The following CTBP1 variants were observed in gnomAD, a reference collection of about 807,000 sequenced individuals.
CTBP1 encodes the protein C-terminal binding protein 1.
CTBP1 carries 11 observed loss-of-function variants against 42.1 expected under a neutral mutation model. That is an observed-to-expected ratio of 0.26 (90% CI 0.16 to 0.43). The LOEUF is 0.43. CTBP1 is among the 20% of genes least tolerant of loss of function. The probability of loss-of-function intolerance (pLI) is 1.00; values close to 1 mark genes in which losing one functional copy is unlikely to be tolerated. For missense variants in CTBP1, 399 were observed against 624.3 expected (o/e 0.64, Z 3.85); for synonymous variants, 324 against 277.1 (o/e 1.17, Z -1.68).
chr4:1,243,938 G>A (rs1244133453), intron 1 of CTBP1: 2 of 985,378 alleles, frequency 2.0e-6, no homozygotes, highest in Middle Eastern at 5.2e-4. Context: ...GCACTCAAGG[G>A]ACCCACGAGG....
At chr4:1,236,077 C>G (rs563511232) in intron 3 of CTBP1, 3 of 154,008 alleles carry the variant, frequency 1.9e-5, no homozygotes, top group Admixed American at 1.9e-4. Context: ...CAAATTCAGC[C>G]TCTCAGCTAC....
chr4:1,245,957 G>A (rs1249383813), intron 1 of CTBP1, among the ~76,000 whole-genome samples: 1 of 152,154 alleles, frequency 6.6e-6, no homozygotes, highest in Non-Finnish European at 1.5e-5. Flanking sequence ...TACCACCTGG[G>A]GCCGCCCAGA....
At chr4:1,230,319 C>T (rs550304571) in intron 3 of CTBP1, among the ~76,000 whole-genome samples, 8 of 152,304 alleles carry the variant, frequency 5.3e-5, no homozygotes, top group South Asian at 2.1e-4. Flanking sequence ...AAGACCCCTG[C>T]GCTGCGTGGA....
intron 3 of CTBP1, chr4:1,234,695 G>A (rs947712479): frequency 3.9e-5 from 6 of 152,184 alleles, no homozygotes; most frequent in African/African-American, 7.2e-5. Flanking sequence ...AGTTTTCTAC[G>A]AGCCTCTTTT....
chr4:1,228,453 G>A (rs529799620), intron 3 of CTBP1, 110 bp from the exon 4 acceptor site: 9 of 1,359,576 alleles, frequency 6.6e-6, no homozygotes, highest in Non-Finnish European at 9.1e-6. Context: ...CCTCAGGCTT[G>A]TTCCCCAAGC....
chr4:1,213,712 C>T, intron 7 of CTBP1, 107 bp from the exon 8 acceptor site: 1 of 1,433,862 alleles, frequency 7.0e-7, no homozygotes, highest in East Asian at 2.5e-5. Context: ...GCCTGGGAAC[C>T]ACAGACCCCA....
At position 1,211,992 on chromosome 4, in the gene CTBP1, C is replaced by T. The variant is rs1424465546; in HGVS notation, c.*248G>A. 7 of 366,654 alleles carry T rather than the reference C, an allele frequency of 1.9e-5. No homozygotes were observed. Among genetic ancestry groups the T allele is most frequent in the Admixed American group, 4.6e-5 (1 of 21,628 alleles). 22.7% of individuals were successfully genotyped at this position (366,654 alleles called of 1,614,324 possible). On this transcript the variant is annotated 3_prime_UTR_variant, in exon 10 of 10. Coordinates refer to ENST00000382952, the MANE Select transcript of CTBP1 (RefSeq NM_001012614.2). Reference sequence around the variant, plus strand: ...TCTAAAAACTGTACACAGACAAGAACGTTCATGGGAGAATAACTACTGACT... The same window carrying T: ...TCTAAAAACTGTACACAGACAAGAATGTTCATGGGAGAATAACTACTGACT...
intron 1 of CTBP1, among the ~76,000 whole-genome samples, chr4:1,245,842 C>T (rs569240506): frequency 6.6e-5 from 10 of 152,140 alleles, no homozygotes; most frequent in South Asian, 2.1e-4. Context: ...GTCCCAACAC[C>T]GCCCACACCT....
chr4:1,238,866 A>G lies in CTBP1; in HGVS notation c.8-529T>C, dbSNP rs552494488. On this transcript the variant is annotated intron_variant, in intron 2 of 9. Transcript: ENST00000382952. The surrounding 1 kb of genome is among the most constrained non-coding windows in gnomAD (Gnocchi z 5.9). The stretch of plus-strand genomic sequence containing the variant: ...GGGCAGCTCCATGAGGCAGGGGGAC[A>G]GGAGGGACCCAGGACACTGGAGGAC... Among the ~76,000 whole-genome samples the G allele has an allele frequency of 6.6e-6, 1 of 151,864 alleles. No homozygotes were observed. The highest frequency in any genetic ancestry group is 1.5e-5 in the Non-Finnish European group (1 of 67,964).
In CTBP1 at chr4:1,233,327, C is replaced by T. The variant is rs1731157619; in HGVS notation, c.162+4856G>A. The T allele has an allele frequency of 6.6e-6, 1 of 152,268 alleles. No homozygotes were observed. Among genetic ancestry groups the T allele is most frequent in the South Asian group, 2.1e-4 (1 of 4,828 alleles). The allele number at this position is 152,268 out of a possible 1,614,324, so 9.4% of individuals were successfully genotyped here. A position where few individuals can be genotyped will look rare whatever the true frequency, so the allele number is the denominator to read the frequency against. Reference sequence around the variant, plus strand: ...CCGGGATTTCTAATCACTTCGTTTCCTGCACAGCCCCAGCACCTCTGTCTG... The same window carrying T: ...CCGGGATTTCTAATCACTTCGTTTCTTGCACAGCCCCAGCACCTCTGTCTG... On this transcript the variant is annotated intron_variant, in intron 3 of 9. Coordinates refer to ENST00000382952, the MANE Select transcript of CTBP1 (RefSeq NM_001012614.2). The surrounding 1 kb of genome is among the most constrained non-coding windows in gnomAD (Gnocchi z 4.6).
intron 3 of CTBP1, chr4:1,237,918 C>A: frequency 1.4e-6 from 1 of 700,158 alleles, no homozygotes; most frequent in Non-Finnish European, 2.6e-6. Context: ...TCAGGACAAA[C>A]GTGGTGTCCA....
intron 7 of CTBP1, 135 bp downstream of exon 7, chr4:1,214,208 A>G (rs1403661910): frequency 1.7e-6 from 2 of 1,201,846 alleles, no homozygotes. Flanking sequence ...CGGGCGGCAA[A>G]CTCCCCCACT....
At chr4:1,215,303 T>C (rs1728989661) in intron 6 of CTBP1, among the ~76,000 whole-genome samples, 1 of 152,242 alleles carries the variant, frequency 6.6e-6, no homozygotes, top group South Asian at 2.1e-4. Context: ...GCGGGTGGCC[T>C]CTGACACGTG....
At chr4:1,224,272 T>C (rs1315603207) in intron 5 of CTBP1, among the ~76,000 whole-genome samples, 1 of 152,198 alleles carries the variant, frequency 6.6e-6, no homozygotes, top group Admixed American at 6.5e-5. Context: ...TACCCGTGTG[T>C]GTGTGCTGTG....
intron 1 of CTBP1, chr4:1,244,868 C>T (rs1026506360): frequency 2.0e-6 from 2 of 985,332 alleles, no homozygotes; most frequent in African/African-American, 3.5e-5. Flanking sequence ...TGCTGCCCAG[C>T]CAGGGGCTGA....
chr4:1,243,773 C>T, intron 1 of CTBP1: 1 of 985,442 alleles, frequency 1.0e-6, no homozygotes, highest in African/African-American at 1.7e-5. Context: ...GGTGAAGGCA[C>T]ACGGCTCCCA....
chr4:1,243,843 A>G (rs1398092151), intron 1 of CTBP1: 1 of 985,242 alleles, frequency 1.0e-6, no homozygotes, highest in Non-Finnish European at 1.2e-6. Flanking sequence ...AAAAACTCAC[A>G]GCCGCACACG....
chr4:1,215,112 T>C (rs898991470), intron 6 of CTBP1, among the ~76,000 whole-genome samples: 1 of 152,228 alleles, frequency 6.6e-6, no homozygotes, highest in African/African-American at 2.4e-5. Flanking sequence ...GGTGCACTGC[T>C]GCCCATTAAA....
chr4:1,242,054 G>A (rs894187181), intron 1 of CTBP1: 79 of 987,904 alleles, frequency 8.0e-5, no homozygotes, highest in Non-Finnish European at 9.3e-5. Flanking sequence ...GAGCCGCGCC[G>A]GCTCCACCTC....
Sources: allele counts gnomAD v4.1 joint callset (sites outside exome capture counted in the v4.1 genomes callset), GRCh38; gene constraint gnomAD v4.1.1; non-coding constraint Gnocchi (gnomAD v3.1); transcripts MANE v1.5; gene names NCBI Gene and HGNC (gene_info 2026-07-23, HGNC 2026-07-21).